The following PTPN3 variants were observed in gnomAD, a reference collection of about 807,000 sequenced individuals.
PTPN3 encodes protein tyrosine phosphatase non-receptor type 3.
In PTPN3, 96 loss-of-function variants were observed where a neutral mutation model predicts 132.7. The ratio of observed to expected loss-of-function variants is 0.72; its 90% CI spans 0.61 to 0.86. The LOEUF (loss-of-function observed/expected upper bound fraction) is 0.86, where lower values mean the gene tolerates loss of function less well. Among genes scored for constraint, PTPN3 ranks in the 40% least tolerant of loss-of-function variants. The pLI, the probability that PTPN3 is intolerant of heterozygous loss-of-function variation, is 0.00. For missense variants in PTPN3, 1,125 were observed against 1,159.6 expected (o/e 0.97, Z 0.43); for synonymous variants, 398 against 429.0 (o/e 0.93, Z 0.89).
chr9:109,414,009 A>G (rs1273075704), intron 14 of PTPN3, among the ~76,000 whole-genome samples: 1 of 152,144 alleles, frequency 6.6e-6, no homozygotes, highest in African/African-American at 2.4e-5. Context: ...GAGCTTCTCA[A>G]GGTCAGGAGA....
chr9:109,436,884 C>T lies in PTPN3; in HGVS notation c.674G>A (p.Arg225Lys). The T allele has an allele frequency of 1.2e-6, 2 of 1,613,742 alleles. No homozygotes were observed. The highest frequency in any genetic ancestry group is 1.7e-6 in the Non-Finnish European group (2 of 1,179,864). The change falls in exon 9 of 26, where the codon AGG (arginine) becomes AAG (lysine). Residue 225 changes from arginine to lysine, a missense_variant and splice_region_variant. Physicochemically the swap from Arg to Lys is conservative, Grantham distance 26. Transcript: ENST00000374541. ...CCAAGACATAACAAGAATACATACC[C>T]TACCACTGTGCAGTTCTACTCCATA... is the stretch of plus-strand genomic sequence containing the variant. Reference protein sequence around the residue: ...DFYGVELHSGRDLHNLDLMIG... With the variant: ...DFYGVELHSGKDLHNLDLMIG...
At chr9:109,497,627 A>G (rs1348777385) in intron 1 of PTPN3, among the ~76,000 whole-genome samples, 2 of 152,080 alleles carry the variant, frequency 1.3e-5, no homozygotes, top group Non-Finnish European at 2.9e-5. Flanking sequence ...ACTCTCACAT[A>G]CACTCCCCCA....
chr9:109,534,493 G>A, the PTPN3 span, among the ~76,000 whole-genome samples: 1 of 151,740 alleles, frequency 6.6e-6, no homozygotes, highest in Admixed American at 6.6e-5. Flanking sequence ...AAAAGTTAGT[G>A]TGGCCGGGCG....
the PTPN3 span, chr9:109,533,814 C>T: frequency 2.1e-6 from 2 of 938,376 alleles, no homozygotes; most frequent in Non-Finnish European, 3.4e-6. Flanking sequence ...CGCTCCCATC[C>T]CTCGTTCTTT....
At chr9:109,478,731 T>C (rs1284332080) in intron 1 of PTPN3, among the ~76,000 whole-genome samples, 1 of 152,102 alleles carries the variant, frequency 6.6e-6, no homozygotes, top group African/African-American at 2.4e-5. Context: ...TCTTTTACAA[T>C]GGAAAAGATG....
intron 7 of PTPN3, among the ~76,000 whole-genome samples, chr9:109,444,350 G>A (rs948307250): frequency 2.6e-5 from 4 of 152,178 alleles, no homozygotes; most frequent in African/African-American, 4.8e-5. Context: ...GGACTTGGAA[G>A]GGAATATACC....
At chr9:109,382,829 T>C (rs569013068) in intron 23 of PTPN3, among the ~76,000 whole-genome samples, 10 of 151,854 alleles carry the variant, frequency 6.6e-5, no homozygotes, top group Admixed American at 5.3e-4. Context: ...AAATGTACAG[T>C]TCAGCGGCAT....
chr9:109,487,932 C>A (rs911374388), intron 1 of PTPN3, among the ~76,000 whole-genome samples: 4 of 152,130 alleles, frequency 2.6e-5, no homozygotes, highest in South Asian at 2.1e-4. Flanking sequence ...ACATCCCTTG[C>A]AGAGCCTCGG....
At chr9:109,447,756 C>T (rs1300886291) in intron 6 of PTPN3, among the ~76,000 whole-genome samples, 1 of 152,202 alleles carries the variant, frequency 6.6e-6, no homozygotes, top group Non-Finnish European at 1.5e-5. Context: ...TGGCCTCTGC[C>T]AGTCTTCCCT....
the PTPN3 span, among the ~76,000 whole-genome samples, chr9:109,526,127 G>A: frequency 2.6e-5 from 4 of 151,914 alleles, no homozygotes; most frequent in East Asian, 7.7e-4. Context: ...AACAACAAAA[G>A]CCACAAAATA....
At chr9:109,491,069 G>A (rs1355553274) in intron 1 of PTPN3, among the ~76,000 whole-genome samples, 1 of 151,654 alleles carries the variant, frequency 6.6e-6, no homozygotes, top group African/African-American at 2.4e-5. Context: ...GGTGGCACAC[G>A]CCTGGAATCC....
the PTPN3 span, among the ~76,000 whole-genome samples, chr9:109,503,802 T>C: frequency 6.6e-6 from 1 of 152,030 alleles, no homozygotes; most frequent in African/African-American, 2.4e-5. Context: ...ACAAGAGCAG[T>C]GATGAAGGGA....
At chr9:109,512,416 A>G in the PTPN3 span, among the ~76,000 whole-genome samples, 2 of 152,254 alleles carry the variant, frequency 1.3e-5, no homozygotes, top group Non-Finnish European at 2.9e-5. Context: ...ACTCCTGAGA[A>G]GAACACACAC....
intron 1 of PTPN3, among the ~76,000 whole-genome samples, chr9:109,481,517 C>G (rs1381589891): frequency 6.6e-6 from 1 of 152,168 alleles, no homozygotes; most frequent in Non-Finnish European, 1.5e-5. Flanking sequence ...CTTGAACACC[C>G]TTCCCTTAGA....
rs3793524 is a variant in PTPN3 at position 109,457,194 on chromosome 9, C to G, written c.268G>C (p.Ala90Pro). 569,874 of 1,613,064 alleles carry G rather than the reference C, an allele frequency of 0.35. 103,209 individuals carry two copies. The highest frequency in any genetic ancestry group is 0.49 in the African/African-American group (36,966 of 74,908). Residue 90 changes from alanine (A) to proline (P), a missense_variant, in exon 4 of 26, where the codon GCC becomes CCC. Ala to Pro is a conservative substitution (Grantham distance 27, BLOSUM62 -1). Coordinates refer to ENST00000374541, the MANE Select transcript of PTPN3 (RefSeq NM_002829.4). ...CAACCTTTTAACTGCTTCCTGATGG[C>G]TTTGCTTGCTTCCAGCCATCTCTGT... ...DSPRWLEASK[A>P]IRKQLKGGFP...
intron 9 of PTPN3, among the ~76,000 whole-genome samples, chr9:109,435,987 C>A (rs1401826447): frequency 6.6e-6 from 1 of 152,154 alleles, no homozygotes; most frequent in Non-Finnish European, 1.5e-5. Flanking sequence ...AAAATCTGAT[C>A]ATTTACTCAA....
At chr9:109,404,640 T>C (rs1326124223) in intron 18 of PTPN3, 32 bp from the exon 19 acceptor site, 1 of 1,412,650 alleles carries the variant, frequency 7.1e-7, no homozygotes, top group South Asian at 2.0e-5. Context: ...ATCTGACTTG[T>C]GTAGCAATAC....
chr9:109,438,302 G>A, intron 7 of PTPN3, 68 bp from the exon 8 acceptor site: 1 of 1,461,576 alleles, frequency 6.8e-7, no homozygotes, highest in Non-Finnish European at 9.4e-7. Flanking sequence ...GCATTTATAA[G>A]CATCTACAGC....
At chr9:109,408,673 C>T (rs1426867819) in intron 16 of PTPN3, among the ~76,000 whole-genome samples, 1 of 151,780 alleles carries the variant, frequency 6.6e-6, no homozygotes, top group African/African-American at 2.4e-5. Context: ...AGAGAAGCTC[C>T]TCCTTAAAAA....
Sources: allele counts gnomAD v4.1 joint callset (sites outside exome capture counted in the v4.1 genomes callset), GRCh38; gene constraint gnomAD v4.1.1; transcripts MANE v1.5; gene names NCBI Gene and HGNC (gene_info 2026-07-23, HGNC 2026-07-21).